Variants in ARHGEF17 observed in about 807,000 individuals in gnomAD.
The protein encoded by ARHGEF17 is 164 kDa Rho-specific guanine-nucleotide exchange factor.
A neutral mutation model predicts 174.0 loss-of-function variants in ARHGEF17; 80 were observed. The observed-to-expected ratio is 0.46, with a 90% CI of 0.38 to 0.55. The LOEUF (loss-of-function observed/expected upper bound fraction) is 0.55. ARHGEF17 is among the 20% of genes least tolerant of loss of function. The pLI is 0.00. For synonymous variants in ARHGEF17, 1,311 were observed against 1,189.1 expected, an observed-to-expected ratio of 1.10 and a Z score of -2.11; for missense variants, 2,886 against 2,839.7, an observed-to-expected ratio of 1.02 and a Z score of -0.37.
chr11:73,309,066 C>T lies in ARHGEF17; in HGVS notation c.428C>T (p.Ala143Val). 6.6e-7 allele frequency: 1 copy of T among 1,510,796 alleles called. No individual in the cohort carries two copies. 93.6% of individuals were successfully genotyped at this position (1,510,796 alleles called of 1,614,324 possible). A position where few individuals can be genotyped will look rare whatever the true frequency, so the allele number is the denominator to read the frequency against. Residue 143 changes from alanine to valine, a missense_variant, in exon 1 of 21, where the codon GCC becomes GTC. Around this residue, in one of 4 missense-constraint regions of ARHGEF17, gnomAD observed 1,728 missense variants for 1,461.2 expected, o/e 1.18. Transcript: ENST00000263674. ...FGGPGSRRPS[A>V]DSESPGTPSP... ...GGTCCTGGCTCCAGGAGGCCCAGCG[C>T]CGACTCTGAATCCCCAGGAACGCCC... is the stretch of plus-strand genomic sequence containing the variant.
In ARHGEF17 at chr11:73,357,228, T is replaced by C. The variant is rs368422149; in HGVS notation, c.4002-14T>C. On this transcript the variant is annotated splice_polypyrimidine_tract_variant and intron_variant, in intron 8 of 20. Coordinates refer to ENST00000263674, the MANE Select transcript of ARHGEF17 (RefSeq NM_014786.4). ...CCCCGACCCTGGCCAGAGCGCCCCA[T>C]TGGCTCCCCACAGGTACACGGCAGC... 3 of 1,613,368 alleles carry C rather than the reference T, an allele frequency of 1.9e-6. No homozygotes were observed. The highest frequency in any genetic ancestry group is 2.5e-6 in the Non-Finnish European group (3 of 1,179,532).
chr11:73,318,030 T>A (rs1291133946), intron 1 of ARHGEF17, among the ~76,000 whole-genome samples: 1 of 152,104 alleles, frequency 6.6e-6, no homozygotes, highest in Non-Finnish European at 1.5e-5. Flanking sequence ...GAGCTGTCCA[T>A]GCTCTTGGGC....
chr11:73,319,203 A>G (rs1368793256), intron 1 of ARHGEF17, among the ~76,000 whole-genome samples: 2 of 152,042 alleles, frequency 1.3e-5, no homozygotes, highest in East Asian at 1.9e-4. Flanking sequence ...AGCTGGGACT[A>G]CAGGCATGCG....
At chr11:73,330,760 TC>T (rs1424287043) in intron 1 of ARHGEF17, among the ~76,000 whole-genome samples, 1 of 152,248 alleles carries the variant, frequency 6.6e-6, no homozygotes, top group African/African-American at 2.4e-5. Context: ...GCCCTGGCTG[TC>T]CTGGAGGTGG....
intron 1 of ARHGEF17, among the ~76,000 whole-genome samples, chr11:73,346,466 A>G (rs60700454): frequency 0.31 from 46,705 of 152,178 alleles, 9,433 homozygotes; most frequent in African/African-American, 0.58. Flanking sequence ...TCCCCATAGC[A>G]CTGAGCCTGA....
intron 1 of ARHGEF17, among the ~76,000 whole-genome samples, chr11:73,336,936 G>T (rs1263127955): frequency 6.6e-6 from 1 of 152,232 alleles, no homozygotes; most frequent in African/African-American, 2.4e-5. Flanking sequence ...ACAACGTGGA[G>T]GCTGGGTTTC....
intron 1 of ARHGEF17, among the ~76,000 whole-genome samples, chr11:73,333,688 G>A (rs1591736653): frequency 6.6e-6 from 1 of 152,152 alleles, no homozygotes; most frequent in Admixed American, 6.5e-5. Context: ...AGTGTCACCC[G>A]GGTCCTGGAA....
intron 1 of ARHGEF17, among the ~76,000 whole-genome samples, chr11:73,321,825 T>C (rs1865021818): frequency 6.6e-6 from 1 of 152,046 alleles, no homozygotes; most frequent in South Asian, 2.1e-4. Flanking sequence ...TCTGGAGAGG[T>C]GCAGCAGGTC....
chr11:73,362,436 GC>G lies in ARHGEF17; in HGVS notation c.4700del (p.Pro1567LeufsTer5). The G allele has an allele frequency of 2.6e-6, 4 of 1,555,006 alleles. No homozygotes were observed. In the South Asian group the frequency reaches 4.7e-5, roughly 18 times the overall value. ...PGLQPRCHRE[P>X]PPSLRSPPET... ...TCCTCACTCCGTCTTCTCGCAGGGAGCCTCCTCCGTCGCTGAGGAGTCCTCC... is the reference window on the plus strand; with the variant it reads ...TCCTCACTCCGTCTTCTCGCAGGGAGCTCCTCCGTCGCTGAGGAGTCCTCC... On this transcript the variant is annotated frameshift_variant, in exon 14 of 21. Coordinates refer to ENST00000263674, the MANE Select transcript of ARHGEF17 (RefSeq NM_014786.4). LOFTEE classifies it high-confidence loss of function.
At chr11:73,317,857 G>C (rs1864953950) in intron 1 of ARHGEF17, among the ~76,000 whole-genome samples, 5 of 152,198 alleles carry the variant, frequency 3.3e-5, no homozygotes, top group Admixed American at 1.3e-4. Flanking sequence ...CCCAACCACA[G>C]TGCCTGAGCC....
rs1864793944 is a variant in ARHGEF17, at chr11:73,310,271, A to G, written c.1633A>G (p.Lys545Glu). The G allele has an allele frequency of 6.2e-7, 1 of 1,613,968 alleles. No individual in the cohort carries two copies. The highest frequency in any genetic ancestry group is 8.5e-7 in the Non-Finnish European group (1 of 1,180,006). Residue 545 changes from lysine to glutamate, a missense_variant, in exon 1 of 21, where the codon AAG becomes GAG. Physicochemically the swap from Lys to Glu is moderately conservative, Grantham distance 56 (BLOSUM62 1). This residue lies in a region of ARHGEF17 where 1,728 missense variants were observed against 1,461.2 expected (regional missense o/e 1.18). Transcript: ENST00000263674. ...KDLTATLRRA[K>E]SFTCSEKPMA... ...CTTGACAGCCACTCTGCGGAGAGCA[A>G]AGTCATTCACCTGCTCTGAGAAGCC...
chr11:73,323,644 C>T (rs1049085967), intron 1 of ARHGEF17, among the ~76,000 whole-genome samples: 4 of 152,220 alleles, frequency 2.6e-5, no homozygotes, highest in Non-Finnish European at 4.4e-5. Context: ...CCCTCCTCCC[C>T]TCTGGCCTGG....
chr11:73,308,370 G>C lies in ARHGEF17; in HGVS notation c.-269G>C. On this transcript the variant is annotated 5_prime_UTR_variant, in exon 1 of 21. Coordinates refer to ENST00000263674, the MANE Select transcript of ARHGEF17 (RefSeq NM_014786.4). ...GGGATCCCGCCCAGGCGGTGCCGCG[G>C]TGCCCCTGGTCGCTCCAGCCGCGGC... 2.7e-6 allele frequency: 1 copy of C among 367,152 alleles called. No homozygotes were observed. The allele number at this position is 367,152 out of a possible 1,614,324, so 22.7% of individuals were successfully genotyped here.
intron 1 of ARHGEF17, among the ~76,000 whole-genome samples, chr11:73,327,038 T>C (rs894853924): frequency 1.3e-5 from 2 of 152,164 alleles, no homozygotes; most frequent in African/African-American, 2.4e-5. Context: ...GTAAACTCTG[T>C]TGGGGGCCAG....
intron 2 of ARHGEF17, chr11:73,347,326 C>T: frequency 2.9e-6 from 1 of 340,456 alleles, no homozygotes; most frequent in South Asian, 2.5e-5. Context: ...CAGTATTGAG[C>T]ACCTGCTGTG....
At chr11:73,343,294 G>T (rs921906993) in intron 1 of ARHGEF17, 5 of 397,860 alleles carry the variant, frequency 1.3e-5, no homozygotes, top group African/African-American at 1.0e-4. Context: ...GGAGGGGGAG[G>T]GGCAGCCAGG....
chr11:73,313,628 A>G (rs1419615630), intron 1 of ARHGEF17, among the ~76,000 whole-genome samples: 1 of 152,168 alleles, frequency 6.6e-6, no homozygotes, highest in Non-Finnish European at 1.5e-5. Context: ...TGCCACGAAC[A>G]GAGGCCTTCT....
chr11:73,357,361 G>T (rs776397416), intron 9 of ARHGEF17, 34 bp downstream of exon 9: 73 of 1,587,228 alleles, frequency 4.6e-5, no homozygotes, highest in Middle Eastern at 1.7e-4. Flanking sequence ...GGGTGTTGGG[G>T]TCTTCCTCTG....
At chr11:73,335,618 A>G (rs61037777) in intron 1 of ARHGEF17, among the ~76,000 whole-genome samples, 25,470 of 152,002 alleles carry the variant, frequency 0.17, 2,936 homozygotes, top group African/African-American at 0.33. Flanking sequence ...AGCCCCTGCC[A>G]TGTGGGCCTC....
Sources: allele counts gnomAD v4.1 joint callset (sites outside exome capture counted in the v4.1 genomes callset), GRCh38; gene constraint gnomAD v4.1.1; regional missense constraint gnomAD v4.1.1; transcripts MANE v1.5; gene names NCBI Gene and HGNC (gene_info 2026-07-23, HGNC 2026-07-21).